Variants in COX7B2 observed in about 807,000 individuals in gnomAD.
The protein encoded by COX7B2 is cytochrome c oxidase subunit 7B2.
For synonymous variants in COX7B2, 37 were observed against 32.1 expected, an observed-to-expected ratio of 1.15 and a Z score of -0.51; for missense variants, 109 against 95.9, an observed-to-expected ratio of 1.14 and a Z score of -0.57.
At chr4:46,780,716 C>A (rs2109549878) in intron 2 of COX7B2, among the ~76,000 whole-genome samples, 1 of 152,254 alleles carries the variant, frequency 6.6e-6, no homozygotes, top group Admixed American at 6.5e-5. Context: ...CTTCAGCATG[C>A]CTCCTTCTGT....
At chr4:46,774,944 ATACT>A in intron 2 of COX7B2, among the ~76,000 whole-genome samples, 1 of 152,278 alleles carries the variant, frequency 6.6e-6, no homozygotes, top group East Asian at 1.9e-4. Context: ...AACACAGCTT[ATACT>A]TACTTTAATA....
chr4:46,862,314 A>G (rs1460004382), intron 1 of COX7B2, among the ~76,000 whole-genome samples: 1 of 152,246 alleles, frequency 6.6e-6, no homozygotes, highest in Non-Finnish European at 1.5e-5. Context: ...CTTTGAAGAA[A>G]TAATTGAATC....
chr4:46,904,211 A>G (rs1190304009), intron 1 of COX7B2, among the ~76,000 whole-genome samples: 1 of 152,200 alleles, frequency 6.6e-6, no homozygotes, highest in African/African-American at 2.4e-5. Context: ...TAAAGAAGGA[A>G]ATACTGATAA....
At chr4:46,791,546 C>T (rs1181573654) in intron 2 of COX7B2, among the ~76,000 whole-genome samples, 1 of 152,116 alleles carries the variant, frequency 6.6e-6, no homozygotes, top group African/African-American at 2.4e-5. Flanking sequence ...CTAAATGCTC[C>T]CATCCTTCTA....
chr4:46,834,973 A>G (rs1297625003), intron 2 of COX7B2, among the ~76,000 whole-genome samples: 3 of 152,184 alleles, frequency 2.0e-5, no homozygotes, highest in Admixed American at 6.5e-5. Context: ...GAAGCAAATT[A>G]TATAAACTGA....
chr4:46,792,428 A>G (rs1718098954), intron 2 of COX7B2, among the ~76,000 whole-genome samples: 1 of 152,216 alleles, frequency 6.6e-6, no homozygotes, highest in South Asian at 2.1e-4. Flanking sequence ...GAGGGTGACC[A>G]TCGACCAACC....
chr4:46,792,352 A>C (rs889433075), intron 2 of COX7B2, among the ~76,000 whole-genome samples: 2 of 152,180 alleles, frequency 1.3e-5, no homozygotes, highest in African/African-American at 4.8e-5. Context: ...TTTGTTTATG[A>C]GGGCATTTCT....
At position 46,864,735 on chromosome 4, in the gene COX7B2, C is replaced by T. The variant is rs773176423; in HGVS notation, c.-104-19721G>A. Among the ~76,000 whole-genome samples the T allele has an allele frequency of 1.0e-3, 154 of 152,166 alleles. 1 individual carries two copies. In the Middle Eastern group the frequency reaches 0.014, roughly 14 times the overall value. On this transcript the variant is annotated intron_variant, in intron 1 of 2. Coordinates refer to ENST00000355591, the MANE Select transcript of COX7B2 (RefSeq NM_130902.3). Reference sequence around the variant, plus strand: ...TCTAGGCTCACTGCAAGCTCCACCTCCCGGGTTCACGCCATTCTCCTGCCT... The same window carrying T: ...TCTAGGCTCACTGCAAGCTCCACCTTCCGGGTTCACGCCATTCTCCTGCCT...
intron 2 of COX7B2, among the ~76,000 whole-genome samples, chr4:46,789,210 C>T (rs561295467): frequency 5.9e-5 from 9 of 152,240 alleles, no homozygotes; most frequent in East Asian, 1.9e-4. Flanking sequence ...CTATTTTACT[C>T]GTGTTCTCCA....
intron 1 of COX7B2, among the ~76,000 whole-genome samples, chr4:46,845,603 A>G (rs553218476): frequency 1.3e-5 from 2 of 152,144 alleles, no homozygotes; most frequent in East Asian, 1.9e-4. Context: ...TGCATAACAG[A>G]AAGTCCCACC....
At chr4:46,831,953 G>A (rs1715142339) in intron 2 of COX7B2, among the ~76,000 whole-genome samples, 1 of 152,110 alleles carries the variant, frequency 6.6e-6, no homozygotes, top group Non-Finnish European at 1.5e-5. Context: ...TAGTGGTGAG[G>A]TGGAGAACTT....
chr4:46,775,164 G>A (rs996951717), intron 2 of COX7B2, among the ~76,000 whole-genome samples: 2 of 152,058 alleles, frequency 1.3e-5, no homozygotes, highest in Middle Eastern at 3.4e-3. Flanking sequence ...GATTCTTTAA[G>A]ATAATGACTA....
chr4:46,883,109 A>G (rs1443669733), intron 1 of COX7B2, among the ~76,000 whole-genome samples: 2 of 152,226 alleles, frequency 1.3e-5, no homozygotes, highest in African/African-American at 4.8e-5. Context: ...AACCAATTTA[A>G]TATGTAAGAC....
chr4:46,814,398 C>A (rs1220385734), intron 2 of COX7B2, among the ~76,000 whole-genome samples: 1 of 152,162 alleles, frequency 6.6e-6, no homozygotes, highest in East Asian at 1.9e-4. Context: ...AAAAAGTGAT[C>A]CATAATGTGT....
intron 1 of COX7B2, among the ~76,000 whole-genome samples, chr4:46,856,818 A>G (rs1207496795): frequency 6.6e-6 from 1 of 152,178 alleles, no homozygotes; most frequent in East Asian, 1.9e-4. Context: ...CAATACCTGA[A>G]GGTTTCTTTG....
chr4:46,809,279 A>G (rs1719164388), intron 2 of COX7B2, among the ~76,000 whole-genome samples: 1 of 151,456 alleles, frequency 6.6e-6, no homozygotes, highest in East Asian at 1.9e-4. Context: ...TCTATTCTTT[A>G]TGTGATTTAT....
intron 2 of COX7B2, among the ~76,000 whole-genome samples, chr4:46,767,958 T>TGCAAGGGCTGGGGCGAGTGCCTTTGG (rs1461308732): frequency 4.6e-5 from 7 of 152,254 alleles, no homozygotes. Context: ...GGTGAGCATG[T>TGCAAGGGCTGGGGCGAGTGCCTTTGG]GCAAGGGCTG....
intron 2 of COX7B2, among the ~76,000 whole-genome samples, chr4:46,755,894 A>C (rs1268770225): frequency 6.6e-6 from 1 of 152,088 alleles, no homozygotes; most frequent in Non-Finnish European, 1.5e-5. Flanking sequence ...GCCCAAAATA[A>C]TATAAAGAGT....
At chr4:46,849,690 AT>A (rs201507460) in intron 1 of COX7B2, among the ~76,000 whole-genome samples, 1,893 of 151,814 alleles carry the variant, frequency 0.012, 43 homozygotes, top group African/African-American at 0.043. Context: ...GAGACAATGA[AT>A]TTTTTTTTAT....
Sources: gnomAD v4.1 joint callset for allele counts (sites outside exome capture counted in the v4.1 genomes callset) on GRCh38, gnomAD v4.1.1 for gene constraint, MANE v1.5 for transcripts, NCBI Gene and HGNC (gene_info 2026-07-23, HGNC 2026-07-21) for gene names.